The following CD226 variants were observed in gnomAD, a reference collection of about 807,000 sequenced individuals.
The protein encoded by CD226 is CD226 molecule.
Under a neutral mutation model 34.9 loss-of-function variants are expected in CD226, and 24 were observed. That is an observed-to-expected ratio of 0.69 (90% CI 0.50 to 0.97). The LOEUF is 0.97. Among genes scored for constraint, CD226 ranks in the 50% least tolerant of loss-of-function variants. The pLI is 0.00. For synonymous variants in CD226, 148 were observed against 147.4 expected (o/e 1.00, Z -0.03); for missense variants, 397 against 412.7 (o/e 0.96, Z 0.33).
intron 3 of CD226, among the ~76,000 whole-genome samples, chr18:69,879,986 T>A (rs1040742411): frequency 2.6e-5 from 4 of 152,234 alleles, no homozygotes; most frequent in African/African-American, 9.6e-5. Context: ...AAAGTCATGA[T>A]CATGTCACCA....
intron 4 of CD226, among the ~76,000 whole-genome samples, chr18:69,871,363 C>T (rs969574520): frequency 3.3e-5 from 5 of 152,192 alleles, no homozygotes. Context: ...GACCTGACCT[C>T]CTGTTTTAGT....
chr18:69,944,874 G>A (rs1298733603), intron 2 of CD226, among the ~76,000 whole-genome samples: 1 of 152,178 alleles, frequency 6.6e-6, no homozygotes, highest in Admixed American at 6.5e-5. Flanking sequence ...ATTGTAAATT[G>A]ACACTCTATA....
chr18:69,945,086 G>A (rs2055773173), intron 2 of CD226, among the ~76,000 whole-genome samples: 1 of 152,168 alleles, frequency 6.6e-6, no homozygotes, highest in Non-Finnish European at 1.5e-5. Context: ...TCTCTGTACA[G>A]CCATGAGTAT....
In CD226 at chr18:69,856,845, A is replaced by G. The variant is rs1982624236; in HGVS notation, c.*7469T>C. On this transcript the variant is annotated 3_prime_UTR_variant, in exon 6 of 6. Transcript: ENST00000582621. ...CCACTATTGGAAAAGAAAACAACAT[A>G]TAAAATCAATAATCTAGGCTTCCAC... 6.6e-6 allele frequency: 1 copy of G among 152,210 alleles called. No individual in the cohort carries two copies. Among genetic ancestry groups the G allele is most frequent in the Non-Finnish European group, 1.5e-5 (1 of 68,030 alleles). The allele number at this position is 152,210 out of a possible 1,614,324, so 9.4% of individuals were successfully genotyped here.
intron 2 of CD226, among the ~76,000 whole-genome samples, chr18:69,906,379 A>C (rs1419629284): frequency 6.6e-6 from 1 of 152,242 alleles, no homozygotes; most frequent in African/African-American, 2.4e-5. Context: ...ATTCCTATCC[A>C]ATTAAAATTG....
chr18:69,959,476 C>T (rs899672444), upstream of CD226, among the ~76,000 whole-genome samples: 9 of 152,324 alleles, frequency 5.9e-5, no homozygotes, highest in African/African-American at 2.2e-4. Context: ...TCAGCTACCT[C>T]CTTCCTCTTT....
At chr18:69,892,126 G>A (rs1046531120) in intron 3 of CD226, among the ~76,000 whole-genome samples, 2 of 152,122 alleles carry the variant, frequency 1.3e-5, no homozygotes, top group African/African-American at 4.8e-5. Context: ...GGTCTCACTG[G>A]TGGAAGACGA....
intron 3 of CD226, among the ~76,000 whole-genome samples, chr18:69,891,841 T>A (rs1223892483): frequency 6.6e-6 from 1 of 152,222 alleles, no homozygotes; most frequent in African/African-American, 2.4e-5. Flanking sequence ...ATGATTATTG[T>A]TTTGCCATCT....
chr18:69,923,940 C>G (rs1355475722), intron 2 of CD226, among the ~76,000 whole-genome samples: 1 of 144,948 alleles, frequency 6.9e-6, no homozygotes, highest in African/African-American at 2.6e-5. Context: ...GGCGACAGAG[C>G]GAGACTCCGT....
chr18:69,902,403 G>A (rs764082715), intron 2 of CD226, among the ~76,000 whole-genome samples: 2 of 151,926 alleles, frequency 1.3e-5, no homozygotes, highest in Non-Finnish European at 2.9e-5. Flanking sequence ...TACCAAGACT[G>A]CAAATGTCAT....
At chr18:69,900,504 G>A (rs1047429186) in intron 2 of CD226, among the ~76,000 whole-genome samples, 14 of 151,484 alleles carry the variant, frequency 9.2e-5, no homozygotes, top group African/African-American at 3.4e-4. Flanking sequence ...AGGCCGAGGC[G>A]GGCGGATCAC....
rs116893300 is a variant in CD226 at position 69,863,375 on chromosome 18, C to T, written c.*939G>A. 3.9e-5 allele frequency: 6 copies of T among 152,098 alleles called. No homozygotes were observed. In the East Asian group the frequency reaches 7.7e-4, roughly 19 times the overall value. The allele number at this position is 152,098 out of a possible 1,614,324, so 9.4% of individuals were successfully genotyped here. A position where few individuals can be genotyped will look rare whatever the true frequency, so the allele number is the denominator to read the frequency against. ...CCAAAACATTAAGTTATTTATTATT[C>T]GACTATCTACTACATTTGCTCCTAA... is the stretch of plus-strand genomic sequence containing the variant. On this transcript the variant is annotated 3_prime_UTR_variant, in exon 6 of 6. Transcript: ENST00000582621.
intron 3 of CD226, among the ~76,000 whole-genome samples, chr18:69,890,579 T>C (rs1055681058): frequency 6.6e-6 from 1 of 152,202 alleles, no homozygotes; most frequent in African/African-American, 2.4e-5. Context: ...GGGAAGCAGT[T>C]TGGTCTGATG....
chr18:69,893,318 T>C (rs1985015926), intron 3 of CD226, among the ~76,000 whole-genome samples: 1 of 152,236 alleles, frequency 6.6e-6, no homozygotes, highest in Non-Finnish European at 1.5e-5. Flanking sequence ...TGACGCTGTT[T>C]ATAATTTACA....
upstream of CD226, among the ~76,000 whole-genome samples, chr18:69,949,729 TCA>T (rs1255650140): frequency 4.0e-5 from 6 of 150,400 alleles, no homozygotes; most frequent in Admixed American, 1.3e-4. Context: ...TAACACACAT[TCA>T]CACACACAAC....
rs1257305056 is a variant in CD226, at chr18:69,855,824, TA to T, written c.*8489del. 2 of 152,278 alleles carry T rather than the reference TA, an allele frequency of 1.3e-5. No individual in the cohort carries two copies. The highest frequency in any genetic ancestry group is 3.9e-4 in the East Asian group (2 of 5,190). 9.4% of individuals were successfully genotyped at this position (152,278 alleles called of 1,614,324 possible). A position where few individuals can be genotyped will look rare whatever the true frequency, so the allele number is the denominator to read the frequency against. On this transcript the variant is annotated 3_prime_UTR_variant, in exon 6 of 6. Coordinates refer to ENST00000582621, the MANE Select transcript of CD226 (RefSeq NM_001303618.2). The stretch of plus-strand genomic sequence containing the variant: ...TAATCCAACTATATCAATAATCACT[TA>T]AATTTGAATAATCTAAATGTACCAA...
chr18:69,943,133 T>C (rs555887868), intron 2 of CD226, among the ~76,000 whole-genome samples: 5 of 152,282 alleles, frequency 3.3e-5, no homozygotes, highest in African/African-American at 9.6e-5. Context: ...CGGGAACATA[T>C]TACCTCCCCA....
intron 1 of CD226, among the ~76,000 whole-genome samples, chr18:69,956,026 G>T (rs1220526735): frequency 6.6e-6 from 1 of 152,154 alleles, no homozygotes; most frequent in Non-Finnish European, 1.5e-5. Flanking sequence ...CATGTCCCCA[G>T]GAGTGAGGCT....
At chr18:69,896,157 G>A (rs367752660) in intron 2 of CD226, 112 bp from the exon 3 acceptor site, 131 of 1,444,680 alleles carry the variant, frequency 9.1e-5, no homozygotes, top group Non-Finnish European at 1.1e-4. Context: ...CAGTTCTTCC[G>A]TTGTGAATGA....
Sources: gnomAD v4.1 joint callset for allele counts (sites outside exome capture counted in the v4.1 genomes callset) on GRCh38, gnomAD v4.1.1 for gene constraint, MANE v1.5 for transcripts, NCBI Gene and HGNC (gene_info 2026-07-23, HGNC 2026-07-21) for gene names.